MBD1: variants seen among roughly 807,000 people sequenced by gnomAD.
MBD1 encodes the protein methyl-CpG binding domain protein 1, also known as methyl-CpG-binding domain protein 1.
MBD1 carries 25 observed loss-of-function variants against 82.6 expected under a neutral mutation model. That is an observed-to-expected ratio of 0.30 (90% confidence interval 0.22 to 0.42). The LOEUF is 0.42. Ranked by LOEUF, MBD1 falls within the 10% of genes least tolerant of loss-of-function variation. MBD1 has a pLI of 1.00. For missense variants in MBD1, 627 were observed against 819.6 expected, an observed-to-expected ratio of 0.76 and a Z score of 2.87; for synonymous variants, 301 against 303.7, an observed-to-expected ratio of 0.99 and a Z score of 0.09.
chr18:50,273,004 G>A, intron 13 of MBD1, 49 bp from the exon 14 acceptor site: 1 of 1,612,162 alleles, frequency 6.2e-7, no homozygotes, highest in Non-Finnish European at 8.5e-7. Context: ...GAGTTCACCT[G>A]AGGAAAGTCT....
chr18:50,276,682 G>T lies in MBD1; in HGVS notation c.455C>A (p.Thr152Lys). The change falls in exon 5 of 17, where the codon ACG (threonine) becomes AAG (lysine). Residue 152 changes from threonine (T) to lysine (K), a missense_variant. By Grantham distance (78) the Thr-to-Lys change is moderately conservative. This residue lies in a region of MBD1 where 228 missense variants were observed against 318.1 expected (regional missense o/e 0.72). Coordinates refer to ENST00000269468, the MANE Select transcript of MBD1 (RefSeq NM_015846.4). ...CTCACCTCGACAGTCTTTGCACAACGTTTTGAGCCGCTGCCTTTGGGTGCC... is the reference window on the plus strand; with the variant it reads ...CTCACCTCGACAGTCTTTGCACAACTTTTTGAGCCGCTGCCTTTGGGTGCC... ...GDGTQRQRLKTLCKDCRAQRI... is the reference protein window; with the variant it reads ...GDGTQRQRLKKLCKDCRAQRI... 6.2e-7 allele frequency: 1 copy of T among 1,614,172 alleles called. No individual in the cohort carries two copies. Among genetic ancestry groups the T allele is most frequent in the Non-Finnish European group, 8.5e-7 (1 of 1,180,040 alleles).
chr18:50,271,290 C>T, intron 16 of MBD1, 179 bp downstream of exon 16: 1 of 1,479,346 alleles, frequency 6.8e-7, no homozygotes. Flanking sequence ...TCTACTCTTT[C>T]TCTTCCTTTC....
rs1365892956 is a variant in MBD1 at position 50,269,028 on chromosome 18, C to G, written c.*823G>C. On this transcript the variant is annotated 3_prime_UTR_variant, in exon 17 of 17. Transcript: ENST00000269468. ...CATGATAAAGTTGGAAATCCATTCA[C>G]CATTTGTAATACATATTGATGCATT... 5.1e-6 allele frequency: 5 copies of G among 985,844 alleles called. No individual in the cohort carries two copies. Among genetic ancestry groups the G allele is most frequent in the Non-Finnish European group, 6.0e-6 (5 of 830,238 alleles). The allele number at this position is 985,844 out of a possible 1,614,324, so 61.1% of individuals were successfully genotyped here. A position where few individuals can be genotyped will look rare whatever the true frequency, so the allele number is the denominator to read the frequency against.
downstream of MBD1, chr18:50,267,544 C>T (rs1488130328): frequency 3.5e-5 from 45 of 1,279,706 alleles, no homozygotes; most frequent in Middle Eastern, 5.4e-4. Context: ...AGTCCAGTAA[C>T]TGGTTTCTGA....
At position 50,269,008 on chromosome 18, in the gene MBD1, T is replaced by C. The variant is rs2034402170; in HGVS notation, c.*843A>G. On this transcript the variant is annotated 3_prime_UTR_variant, in exon 17 of 17. Coordinates refer to ENST00000269468, the MANE Select transcript of MBD1 (RefSeq NM_015846.4). ...ATATATTCAGCATTAAATTCCATGA[T>C]AAAGTTGGAAATCCATTCACCATTT... The C allele has an allele frequency of 2.0e-6, 2 of 985,612 alleles. No individual in the cohort carries two copies. The highest frequency in any genetic ancestry group is 1.7e-5 in the African/African-American group (1 of 57,248). The allele number at this position is 985,612 out of a possible 1,614,324, so 61.1% of individuals were successfully genotyped here.
At chr18:50,273,247 G>A (rs777226886) in intron 13 of MBD1, 87 bp downstream of exon 13, 9 of 1,554,998 alleles carry the variant, frequency 5.8e-6, no homozygotes, top group Non-Finnish European at 7.9e-6. Context: ...CTATTGCTCT[G>A]CTCAAGAGAA....
At chr18:50,276,269 A>G in intron 6 of MBD1, 109 bp downstream of exon 6, 1 of 1,184,358 alleles carries the variant, frequency 8.4e-7, no homozygotes. Context: ...AGCACCCTAT[A>G]AAATGACTCT....
rs1359842021 is a variant in MBD1, at chr18:50,275,133, T to A, written c.905A>T (p.Glu302Val). ...CTCCACCCACTGGGGCCTCACCGGC[T>A]CTGTGGGCTCTGGGGACTGTGATGG... ...PPPSQSPEPT[E>V]PHPRALAPSP... The change falls in exon 9 of 17, where the codon GAG becomes GTG. Residue 302 changes from glutamate (E) to valine (V), a missense_variant. Around this residue, in one of 6 missense-constraint regions of MBD1, gnomAD observed 228 missense variants for 318.1 expected, o/e 0.72. Transcript: ENST00000269468. The A allele has an allele frequency of 6.2e-7, 1 of 1,613,808 alleles. No homozygotes were observed. Among genetic ancestry groups the A allele is most frequent in the African/African-American group, 1.3e-5 (1 of 74,928 alleles).
intron 11 of MBD1, 146 bp from the exon 12 acceptor site, chr18:50,274,009 TCTC>T (rs1426447462): frequency 9.1e-6 from 12 of 1,317,568 alleles, no homozygotes; most frequent in Non-Finnish European, 1.3e-5. Context: ...AGCCTGCTAG[TCTC>T]CTATTAGCAA....
chr18:50,273,933 A>G, intron 11 of MBD1, 70 bp from the exon 12 acceptor site: 1 of 1,569,476 alleles, frequency 6.4e-7, no homozygotes, highest in Non-Finnish European at 8.7e-7. Flanking sequence ...GCCCGGCTCC[A>G]CATGCCTGCT....
intron 1 of MBD1, chr18:50,281,048 C>A: frequency 1.0e-6 from 1 of 998,868 alleles, no homozygotes; most frequent in Non-Finnish European, 1.5e-6. Flanking sequence ...ATTTCTCCCT[C>A]TCAGAGTTCT....
rs1568237541 is a variant in MBD1 at position 50,275,950 on chromosome 18, T to C, written c.548A>G (p.Gln183Arg). The change falls in exon 7 of 17, where the codon CAG becomes CGG. Residue 183 changes from glutamine to arginine, a missense_variant. Transcript: ENST00000269468. ...RVGCGECAAC[Q>R]VTEDCGACST... ...GCAGGCCCCACAGTCTTCTGTTACC[T>C]GGCAGGCTGCACACTCCCCACAGCC... 1.9e-6 allele frequency: 3 copies of C among 1,613,528 alleles called. No homozygotes were observed. Among genetic ancestry groups the C allele is most frequent in the Non-Finnish European group, 1.7e-6 (2 of 1,180,002 alleles).
Position 50,273,797 on chromosome 18 carries a change from G to C in MBD1, c.1213C>G (p.Arg405Gly). The change falls in exon 12 of 17, where the codon CGT (arginine) becomes GGT (glycine). Residue 405 changes from arginine to glycine, a missense_variant. By Grantham distance (125) the Arg-to-Gly change is moderately radical. Around this residue, in one of 6 missense-constraint regions of MBD1, gnomAD observed 265 missense variants for 278.4 expected, o/e 0.95. Coordinates refer to ENST00000269468, the MANE Select transcript of MBD1 (RefSeq NM_015846.4). ...DGAGSPPPYR[R>G]RKRPSSARRH... Reference sequence around the variant, plus strand: ...CGGGCAGAGCTGGGCCTCTTTCGACGACGGTAAGGTGGGGGCGATCCTGCC... The same window carrying C: ...CGGGCAGAGCTGGGCCTCTTTCGACCACGGTAAGGTGGGGGCGATCCTGCC... 1 of 1,613,924 alleles carries C rather than the reference G, an allele frequency of 6.2e-7. No homozygotes were observed. Among genetic ancestry groups the C allele is most frequent in the Non-Finnish European group, 8.5e-7 (1 of 1,180,024 alleles).
Position 50,272,886 on chromosome 18 carries a change from T to C in MBD1, c.1654A>G (p.Lys552Glu), listed in dbSNP as rs758130401. ...PDPEEDKEEN[K>E]DDSASKLAPE... ...GCCAATTTGGAGGCAGAATCATCCT[T>C]GTTCTCCTCCTTGTCCTCCTCTGGG... is the stretch of plus-strand genomic sequence containing the variant. The change falls in exon 14 of 17, where the codon AAG (lysine) becomes GAG (glutamate). Residue 552 changes from lysine to glutamate, a missense_variant. Transcript: ENST00000269468. 1 of 1,614,086 alleles carries C rather than the reference T, an allele frequency of 6.2e-7. No homozygotes were observed. Among genetic ancestry groups the C allele is most frequent in the Non-Finnish European group, 8.5e-7 (1 of 1,180,034 alleles).
rs1335472127 is a variant in MBD1, at chr18:50,273,658, G to A, written c.1352C>T (p.Pro451Leu). The change falls in exon 12 of 17, where the codon CCG becomes CTG. Residue 451 changes from proline to leucine, a missense_variant. Physicochemically the swap from Pro to Leu is moderately conservative, Grantham distance 98. Transcript: ENST00000269468. ...TAAAAACACAAGGTCAGTGCCAGGC[G>A]GGGGCAGCACAAAGCCACCACCTGC... Reference protein sequence around the residue: ...QEAGGGFVLPPPGTDLVFLRE... With the variant: ...QEAGGGFVLPLPGTDLVFLRE... The A allele has an allele frequency of 6.2e-6, 10 of 1,613,898 alleles. No homozygotes were observed. The highest frequency in any genetic ancestry group is 1.1e-5 in the South Asian group (1 of 91,084).
chr18:50,268,608 G>C (rs1270264612), downstream of MBD1, among the ~76,000 whole-genome samples: 1 of 152,238 alleles, frequency 6.6e-6, no homozygotes, highest in Non-Finnish European at 1.5e-5. Flanking sequence ...GGGCTTTCTC[G>C]CCCCGGCGCC....
downstream of MBD1, among the ~76,000 whole-genome samples, chr18:50,268,004 G>A (rs2034123736): frequency 6.6e-6 from 1 of 152,102 alleles, no homozygotes; most frequent in Non-Finnish European, 1.5e-5. Flanking sequence ...TCTTTCAATT[G>A]CAGTTCAGTA....
chr18:50,274,138 G>C (rs775617920), intron 11 of MBD1, 48 bp downstream of exon 11: 1 of 1,610,430 alleles, frequency 6.2e-7, no homozygotes, highest in Middle Eastern at 1.9e-4. Context: ...GCACTGGGGC[G>C]CCTGGCCCAA....
Position 50,272,941 on chromosome 18 carries a change from G to A in MBD1, c.1599C>T (p.Gly533=). The A allele has an allele frequency of 6.2e-7, 1 of 1,614,162 alleles. No homozygotes were observed. Among genetic ancestry groups the A allele is most frequent in the South Asian group, 1.1e-5 (1 of 91,080 alleles). The part of the protein sequence containing the change: ...PGCPSKAVDP[G]LPSVKQEPPD... The stretch of plus-strand genomic sequence containing the variant: ...GTGGCTCTTGCTTCACAGAAGGCAG[G>A]CCTGGGTCTACTGCCTGGGAGAAGT... Residue 533 remains glycine (G), a synonymous_variant, in exon 14 of 17, where the codon GGC becomes GGT. Coordinates refer to ENST00000269468, the MANE Select transcript of MBD1 (RefSeq NM_015846.4).
Sources: allele counts gnomAD v4.1 joint callset (sites outside exome capture counted in the v4.1 genomes callset), GRCh38; gene constraint gnomAD v4.1.1; regional missense constraint gnomAD v4.1.1; transcripts MANE v1.5; gene names NCBI Gene and HGNC (gene_info 2026-07-23, HGNC 2026-07-21).